ZNRF2: variants seen among roughly 807,000 people sequenced by gnomAD.
ZNRF2 encodes the protein zinc and ring finger 2.
In ZNRF2, 16 loss-of-function variants were observed where a neutral mutation model predicts 20.4. That is an observed-to-expected ratio of 0.79 (90% CI 0.53 to 1.19). The LOEUF (loss-of-function observed/expected upper bound fraction) is 1.19. ZNRF2 is among the 50% of genes most tolerant of loss of function. The pLI is 0.00. For missense variants in ZNRF2, 363 were observed against 332.4 expected (o/e 1.09, Z -0.72); for synonymous variants, 178 against 144.9 (o/e 1.23, Z -1.64).
At chr7:30,306,479 G>A (rs1799207803) in intron 1 of ZNRF2, among the ~76,000 whole-genome samples, 1 of 152,148 alleles carries the variant, frequency 6.6e-6, no homozygotes, top group South Asian at 2.1e-4. Flanking sequence ...TGGCAAATGA[G>A]CAAGCTACAA....
chr7:30,346,471 G>A (rs1247074726), intron 2 of ZNRF2, among the ~76,000 whole-genome samples: 1 of 152,034 alleles, frequency 6.6e-6, no homozygotes, highest in African/African-American at 2.4e-5. Flanking sequence ...TTATAGGCAT[G>A]AGCCACTGTG....
chr7:30,350,858 T>G (rs192252267), intron 2 of ZNRF2, among the ~76,000 whole-genome samples: 381 of 152,182 alleles, frequency 2.5e-3, no homozygotes, highest in African/African-American at 8.6e-3. Context: ...TGATCCATAA[T>G]AGCGCTTGGC....
At chr7:30,317,892 G>A (rs989921914) in intron 1 of ZNRF2, among the ~76,000 whole-genome samples, 6 of 152,324 alleles carry the variant, frequency 3.9e-5, no homozygotes, top group East Asian at 1.9e-4. Context: ...GTATGGCCTG[G>A]TGTAGCAGAT....
rs142828648 is a variant in ZNRF2, at chr7:30,346,601, AATTTCT to A, written c.566-9122_566-9117del. Among the ~76,000 whole-genome samples the A allele has an allele frequency of 6.6e-3, 1,008 of 152,038 alleles. 14 individuals are homozygous for A. Among genetic ancestry groups the A allele is most frequent in the African/African-American group, 0.023 (969 of 41,460 alleles). Reference sequence around the variant, plus strand: ...CTTTCCATTTGGAAGCTTACAACATAATTTCTATTTTTGAAAGCCAGAATTTTTTTG... The same window carrying A: ...CTTTCCATTTGGAAGCTTACAACATAATTTTTGAAAGCCAGAATTTTTTTG... On this transcript the variant is annotated intron_variant, in intron 2 of 4. Transcript: ENST00000323037.
intron 2 of ZNRF2, among the ~76,000 whole-genome samples, chr7:30,336,017 C>A (rs758771866): frequency 2.6e-5 from 4 of 152,048 alleles, no homozygotes; most frequent in Non-Finnish European, 5.9e-5. Context: ...TTGAGAGTAC[C>A]TAGCTGCTGT....
intron 3 of ZNRF2, among the ~76,000 whole-genome samples, chr7:30,357,806 A>G (rs1800064037): frequency 6.6e-6 from 1 of 152,198 alleles, no homozygotes; most frequent in African/African-American, 2.4e-5. Context: ...GATTCTTCCA[A>G]GAAGTAGAAA....
chr7:30,352,274 G>A (rs186270846), intron 2 of ZNRF2, among the ~76,000 whole-genome samples: 179 of 152,116 alleles, frequency 1.2e-3, no homozygotes, highest in African/African-American at 4.1e-3. Flanking sequence ...TTTGATAGCA[G>A]TCGCATTTGT....
intron 1 of ZNRF2, among the ~76,000 whole-genome samples, chr7:30,295,020 AGAG>A (rs1798988324): frequency 1.3e-5 from 1 of 77,704 alleles, no homozygotes; most frequent in Non-Finnish European, 2.5e-5. Context: ...GGAAGGAGAG[AGAG>A]AGAGAGAGAG....
intron 1 of ZNRF2, among the ~76,000 whole-genome samples, chr7:30,308,640 T>A (rs954725933): frequency 1.3e-5 from 2 of 152,222 alleles, no homozygotes; most frequent in African/African-American, 4.8e-5. Context: ...AGTCATAGGT[T>A]ATGTATACCT....
chr7:30,344,464 A>G (rs1385399925), intron 2 of ZNRF2, among the ~76,000 whole-genome samples: 1 of 151,652 alleles, frequency 6.6e-6, no homozygotes, highest in Non-Finnish European at 1.5e-5. Context: ...TAGTTGTTAC[A>G]TTACCTAATG....
At chr7:30,287,710 A>G (rs1798817351) in intron 1 of ZNRF2, among the ~76,000 whole-genome samples, 1 of 151,702 alleles carries the variant, frequency 6.6e-6, no homozygotes. Flanking sequence ...GCCTAGTAGT[A>G]CAGTGACACT....
At chr7:30,297,959 G>T (rs1211648734) in intron 1 of ZNRF2, among the ~76,000 whole-genome samples, 1 of 151,928 alleles carries the variant, frequency 6.6e-6, no homozygotes, top group African/African-American at 2.4e-5. Context: ...TGAACTCCTG[G>T]GCTCAAGTGA....
At chr7:30,354,651 A>C (rs1562621423) in intron 2 of ZNRF2, among the ~76,000 whole-genome samples, 1 of 152,202 alleles carries the variant, frequency 6.6e-6, no homozygotes, top group Non-Finnish European at 1.5e-5. Flanking sequence ...TGTTTCTTTC[A>C]GAATTTACGT....
chr7:30,287,357 A>C (rs983430527), intron 1 of ZNRF2, among the ~76,000 whole-genome samples: 1 of 152,252 alleles, frequency 6.6e-6, no homozygotes, highest in Non-Finnish European at 1.5e-5. Context: ...TGCATTTAGC[A>C]ATTATTAGAA....
At chr7:30,354,835 G>A (rs1020325053) in intron 2 of ZNRF2, among the ~76,000 whole-genome samples, 1 of 152,118 alleles carries the variant, frequency 6.6e-6, no homozygotes, top group South Asian at 2.1e-4. Flanking sequence ...GTAATGGCAT[G>A]TTTTATTCTG....
intron 1 of ZNRF2, among the ~76,000 whole-genome samples, chr7:30,320,258 A>G (rs949530314): frequency 6.6e-6 from 1 of 152,132 alleles, no homozygotes; most frequent in Non-Finnish European, 1.5e-5. Context: ...AAATTTCTCT[A>G]TATAAATAAT....
rs2128052885 is a variant in ZNRF2 at position 30,285,369 on chromosome 7, A to G, written c.12A>G (p.Lys4=). The G allele has an allele frequency of 8.3e-7, 1 of 1,210,218 alleles. No homozygotes were observed. Among genetic ancestry groups the G allele is most frequent in the Non-Finnish European group, 1.0e-6 (1 of 959,522 alleles). 75.0% of individuals were successfully genotyped at this position (1,210,218 alleles called of 1,614,324 possible). A position where few individuals can be genotyped will look rare whatever the true frequency, so the allele number is the denominator to read the frequency against. MGA[K]QSGPAAANGR... ...GGGGCAGGGCGGACATGGGCGCCAA[A>G]CAGAGCGGCCCGGCCGCCGCTAACG... is the stretch of plus-strand genomic sequence containing the variant. The change falls in exon 1 of 5, where the codon AAA becomes AAG. Residue 4 remains lysine, a synonymous_variant. Transcript: ENST00000323037.
At chr7:30,342,913 A>T (rs556472647) in intron 2 of ZNRF2, among the ~76,000 whole-genome samples, 1 of 151,712 alleles carries the variant, frequency 6.6e-6, no homozygotes, top group East Asian at 1.9e-4. Context: ...TGGTTTTGCT[A>T]TTTGTTTCCT....
At chr7:30,313,789 G>A (rs1799325708) in intron 1 of ZNRF2, among the ~76,000 whole-genome samples, 1 of 152,080 alleles carries the variant, frequency 6.6e-6, no homozygotes, top group Non-Finnish European at 1.5e-5. Context: ...TGATCATTCT[G>A]TACCCTCATT....
Sources: allele counts gnomAD v4.1 joint callset (sites outside exome capture counted in the v4.1 genomes callset), GRCh38; gene constraint gnomAD v4.1.1; transcripts MANE v1.5; gene names NCBI Gene and HGNC (gene_info 2026-07-23, HGNC 2026-07-21).